RGS3: variants seen among roughly 807,000 people sequenced by gnomAD.
The protein encoded by RGS3 is regulator of G protein signaling 3, also known as regulator of G-protein signalling 3.
Under a neutral mutation model 132.6 loss-of-function variants are expected in RGS3, and 80 were observed. The ratio of observed to expected loss-of-function variants is 0.60; its 90% CI spans 0.50 to 0.73. The LOEUF is 0.73. Ranked by LOEUF, RGS3 falls within the 30% of genes least tolerant of loss-of-function variation. RGS3 has a pLI of 0.00. For synonymous variants in RGS3, 598 were observed against 620.6 expected (o/e 0.96, Z 0.54); for missense variants, 1,382 against 1,530.8 (o/e 0.90, Z 1.62).
intron 16 of RGS3, chr9:113,522,670 A>T: frequency 2.1e-6 from 1 of 484,074 alleles, no homozygotes; most frequent in Non-Finnish European, 3.8e-6. Flanking sequence ...GGTGAGGGCC[A>T]CTTTTCCCCT....
intron 19 of RGS3, among the ~76,000 whole-genome samples, chr9:113,562,250 C>T (rs1378242817): frequency 2.0e-5 from 3 of 152,124 alleles, no homozygotes; most frequent in Non-Finnish European, 4.4e-5. Context: ...CTGAGACGGG[C>T]AGATTGCTTG....
Position 113,463,596 on chromosome 9 carries a change from C to G in RGS3, c.415+1395C>G. On this transcript the variant is annotated intron_variant, in intron 3 of 24. Coordinates refer to ENST00000350696, the Ensembl canonical transcript of RGS3. This position sits in a 1 kb window ranked among gnomAD's most constrained non-coding sequence, Gnocchi z 4.6. ...GGTCGGCGGCGCCGCCTCCCCCACC[C>G]CGGCCCAGCTCTGCTCCGGCAGGTG... 9.6e-7 allele frequency: 1 copy of G among 1,040,030 alleles called. No individual in the cohort carries two copies. The highest frequency in any genetic ancestry group is 1.3e-6 in the Non-Finnish European group (1 of 788,960). The allele number at this position is 1,040,030 out of a possible 1,614,324, so 64.4% of individuals were successfully genotyped here. A position where few individuals can be genotyped will look rare whatever the true frequency, so the allele number is the denominator to read the frequency against.
At chr9:113,458,929 T>G (rs564590025), upstream of RGS3, among the ~76,000 whole-genome samples, 1 of 152,328 alleles carries the variant, frequency 6.6e-6, no homozygotes, top group East Asian at 1.9e-4. Context: ...CTTTTGTATT[T>G]TTAGCAAACA....
At chr9:113,520,546 T>G (rs1319563980) in intron 16 of RGS3, among the ~76,000 whole-genome samples, 1 of 150,468 alleles carries the variant, frequency 6.6e-6, no homozygotes, top group Non-Finnish European at 1.5e-5. Flanking sequence ...TGGGCTGTTT[T>G]TTTTTTTTTT....
chr9:113,537,068 G>T lies in RGS3; in HGVS notation c.2037+150G>T, dbSNP rs1293189336. On this transcript the variant is annotated intron_variant, in intron 19 of 24. Coordinates refer to ENST00000350696, the Ensembl canonical transcript of RGS3. This position sits in a 1 kb window ranked among gnomAD's most constrained non-coding sequence, Gnocchi z 4.3. The stretch of plus-strand genomic sequence containing the variant: ...TCTTGGCAAGCGGGGACCTGTGCCC[G>T]AATGTCTCTCCCCCTTGGCATGTCA... 1.4e-6 allele frequency: 1 copy of T among 695,520 alleles called. No individual in the cohort carries two copies. The highest frequency in any genetic ancestry group is 2.4e-6 in the Non-Finnish European group (1 of 418,448). 43.1% of individuals were successfully genotyped at this position (695,520 alleles called of 1,614,324 possible).
chr9:113,583,125 G>A (rs1834906993), intron 19 of RGS3: 3 of 354,138 alleles, frequency 8.5e-6, no homozygotes, highest in Admixed American at 4.6e-5. Context: ...TAGGGTTGTC[G>A]GGAAGGCCAC....
rs573058643 is a variant in RGS3, at chr9:113,513,454, A to G, written c.1478-1004A>G. Reference sequence around the variant, plus strand: ...TGAAGCCTGGGATTCCCAGAGTCCTATGGGGCACCTGACTCCCAAACTTGC... The same window carrying G: ...TGAAGCCTGGGATTCCCAGAGTCCTGTGGGGCACCTGACTCCCAAACTTGC... On this transcript the variant is annotated intron_variant, in intron 14 of 24. Coordinates refer to ENST00000350696, the Ensembl canonical transcript of RGS3. Among the ~76,000 whole-genome samples the G allele has an allele frequency of 1.1e-4, 16 of 152,296 alleles. No homozygotes were observed. The East Asian group carries it at 2.1e-3, about 20-fold the overall frequency.
In RGS3 at chr9:113,537,580, A is replaced by G. The variant is rs976323856; in HGVS notation, c.2037+662A>G. Among the ~76,000 whole-genome samples, 1 of 152,030 alleles carries G rather than the reference A, an allele frequency of 6.6e-6. No individual in the cohort carries two copies. Among genetic ancestry groups the G allele is most frequent in the Non-Finnish European group, 1.5e-5 (1 of 68,018 alleles). ...GCCAGCCACAAAGTACAGTTATATT[A>G]CCCCATTTGTGAGTCATTCAGGTCC... On this transcript the variant is annotated intron_variant, in intron 19 of 24. Transcript: ENST00000350696. The surrounding 1 kb of genome is among the most constrained non-coding windows in gnomAD (Gnocchi z 4.3).
At chr9:113,560,292 C>T (rs1427907683) in intron 19 of RGS3, among the ~76,000 whole-genome samples, 1 of 152,150 alleles carries the variant, frequency 6.6e-6, no homozygotes, top group Non-Finnish European at 1.5e-5. Context: ...TTCTGCAGGC[C>T]ACAAACCACA....
In RGS3 at chr9:113,531,386, C is replaced by T. The variant is rs1381296391; in HGVS notation, c.1914+2122C>T. Among the ~76,000 whole-genome samples, 3 of 152,176 alleles carry T rather than the reference C, an allele frequency of 2.0e-5. 1 individual carries two copies. The East Asian group carries it at 5.8e-4, about 29-fold the overall frequency. ...TTGGCTCTGCCATTTTCTGAGTGAT[C>T]TGGGGCCAGTTACAAACTCATCTCT... On this transcript the variant is annotated intron_variant, in intron 18 of 24. Transcript: ENST00000350696.
intron 8 of RGS3, among the ~76,000 whole-genome samples, chr9:113,496,213 C>T (rs1351559741): frequency 6.6e-6 from 1 of 152,130 alleles, no homozygotes; most frequent in Non-Finnish European, 1.5e-5. Context: ...TCCAGGGGTC[C>T]TCTTCATGTG....
rs75957789 is a variant in RGS3, at chr9:113,516,280, G to A, written c.1675-1261G>A. ...GCTCTGTCAGCAGGGCCTGGCCTTA[G>A]CCTTTCTGTGGGTCTCTTCTCTTTC... On this transcript the variant is annotated intron_variant, in intron 15 of 24. Transcript: ENST00000350696. Among the ~76,000 whole-genome samples the A allele has an allele frequency of 2.5e-3, 380 of 152,194 alleles. 1 individual carries two copies. The highest frequency in any genetic ancestry group is 8.4e-3 in the African/African-American group (350 of 41,530).
chr9:113,525,573 T>TTTC (rs1554769272), intron 17 of RGS3, among the ~76,000 whole-genome samples: 1 of 152,188 alleles, frequency 6.6e-6, no homozygotes, highest in Non-Finnish European at 1.5e-5. Context: ...GACTCCTAGG[T>TTTC]TTCTTATTTG....
chr9:113,521,071 TCCA>T (rs1831930170), intron 16 of RGS3, among the ~76,000 whole-genome samples: 1 of 152,136 alleles, frequency 6.6e-6, no homozygotes, highest in Non-Finnish European at 1.5e-5. Context: ...TAAGTGAGGA[TCCA>T]CTGAGCAGAA....
At chr9:113,572,212 C>G (rs1226329929) in intron 19 of RGS3, among the ~76,000 whole-genome samples, 2 of 151,958 alleles carry the variant, frequency 1.3e-5, no homozygotes, top group Admixed American at 1.3e-4. Context: ...GGACTTTATC[C>G]TAGAGGGATG....
chr9:113,507,629 T>A lies in RGS3; in HGVS notation c.1428T>A (p.Pro476=). ...ACATCATCCTGGCCCCGCTGAATCC[T>A]GGGAGCCAGGTACGGACAGCTGGTG... is the stretch of plus-strand genomic sequence containing the variant. Residue 476 remains proline (P), a synonymous_variant, in exon 13 of 25, where the codon CCT becomes CCA. Coordinates refer to ENST00000350696, the Ensembl canonical transcript of RGS3. The surrounding 1 kb of genome is among the most constrained non-coding windows in gnomAD (Gnocchi z 5.0). The A allele has an allele frequency of 6.8e-7, 1 of 1,467,070 alleles. No homozygotes were observed. The highest frequency in any genetic ancestry group is 9.1e-7 in the Non-Finnish European group (1 of 1,104,784). The allele number at this position is 1,467,070 out of a possible 1,614,324, so 90.9% of individuals were successfully genotyped here.
intron 7 of RGS3, 55 bp from the exon 6 acceptor site, chr9:113,495,731 C>T: frequency 6.9e-7 from 1 of 1,457,124 alleles, no homozygotes; most frequent in Non-Finnish European, 9.6e-7. Flanking sequence ...GATAATGGAC[C>T]TCCCGATAGA....
chr9:113,482,213 A>T (rs191046094), intron 4 of RGS3, among the ~76,000 whole-genome samples: 24 of 151,294 alleles, frequency 1.6e-4, no homozygotes, highest in Admixed American at 5.9e-4. Context: ...CCCACCCCAC[A>T]CCTCTCCCCT....
intron 19 of RGS3, among the ~76,000 whole-genome samples, chr9:113,548,253 G>C (rs947452847): frequency 2.0e-5 from 3 of 152,224 alleles, no homozygotes; most frequent in African/African-American, 7.2e-5. Flanking sequence ...CAGGAAAGGG[G>C]TCACAGACGG....
Sources: gnomAD v4.1 joint callset for allele counts (sites outside exome capture counted in the v4.1 genomes callset) on GRCh38, gnomAD v4.1.1 for gene constraint, Gnocchi (gnomAD v3.1) non-coding constraint, MANE v1.5 for transcripts, NCBI Gene and HGNC (gene_info 2026-07-23, HGNC 2026-07-21) for gene names.